RIMBP2: variants seen among roughly 807,000 people sequenced by gnomAD.
RIMBP2 encodes the protein RIMS binding protein 2.
A neutral mutation model predicts 118.6 loss-of-function variants in RIMBP2; 48 were observed. The ratio of observed to expected loss-of-function variants is 0.40; its 90% CI spans 0.32 to 0.51. The LOEUF (loss-of-function observed/expected upper bound fraction) is 0.51, where lower values mean the gene tolerates loss of function less well. Among genes scored for constraint, RIMBP2 ranks in the 20% least tolerant of loss-of-function variants. The pLI is 0.41. For missense variants in RIMBP2, 1,551 were observed against 1,768.3 expected (o/e 0.88, Z 2.20); for synonymous variants, 762 against 742.9 (o/e 1.03, Z -0.42).
At chr12:130,516,057 A>G (rs2051419815) in intron 3 of RIMBP2, among the ~76,000 whole-genome samples, 1 of 152,124 alleles carries the variant, frequency 6.6e-6, no homozygotes, top group Non-Finnish European at 1.5e-5. Flanking sequence ...TTTATTTTTA[A>G]TTTTTTGAGC....
At chr12:130,704,180 G>A (rs553560840) in intron 1 of RIMBP2, among the ~76,000 whole-genome samples, 1 of 152,246 alleles carries the variant, frequency 6.6e-6, no homozygotes, top group South Asian at 2.1e-4. Flanking sequence ...GGAGGGACGA[G>A]GACCGAGGAG....
chr12:130,486,711 G>GAA (rs10689343), intron 4 of RIMBP2, among the ~76,000 whole-genome samples: 17,309 of 144,096 alleles, frequency 0.12, 1,952 homozygotes, highest in African/African-American at 0.27. Context: ...AGATCTTTGA[G>GAA]AAAAAAAAAA....
chr12:130,641,493 G>A (rs1035642256), intron 1 of RIMBP2, among the ~76,000 whole-genome samples: 5 of 150,770 alleles, frequency 3.3e-5, no homozygotes, highest in African/African-American at 7.4e-5. Context: ...GGTGACTGCC[G>A]GACACTCGGC....
intron 5 of RIMBP2, among the ~76,000 whole-genome samples, chr12:130,473,486 C>T (rs929823406): frequency 3.9e-5 from 6 of 152,228 alleles, no homozygotes; most frequent in Non-Finnish European, 8.8e-5. Context: ...GGCCGAAGTG[C>T]TGGGCATCTA....
intron 15 of RIMBP2, chr12:130,427,733 A>C (rs1217398241): frequency 2.0e-5 from 3 of 153,234 alleles, no homozygotes; most frequent in Non-Finnish European, 4.4e-5. Context: ...ACCCCTGCCC[A>C]CCACCAGGCA....
chr12:130,502,045 T>C (rs899419814), intron 4 of RIMBP2, among the ~76,000 whole-genome samples: 14 of 152,318 alleles, frequency 9.2e-5, no homozygotes, highest in Admixed American at 3.3e-4. Flanking sequence ...CTTCCATGCC[T>C]CTGCCTCATT....
Position 130,578,355 on chromosome 12 carries a change from C to A in RIMBP2, c.-217+49967G>T, listed in dbSNP as rs8181764. On this transcript the variant is annotated intron_variant, in intron 2 of 22. Coordinates refer to ENST00000690449, the MANE Select transcript of RIMBP2 (RefSeq NM_001393629.1). The surrounding 1 kb of genome is among the most constrained non-coding windows in gnomAD (Gnocchi z 4.1). The stretch of plus-strand genomic sequence containing the variant: ...TCATTCTGGATGGCTGCTGCTCTGC[C>A]CTAGAATCCAACATGGCTCCCAGCT... Among the ~76,000 whole-genome samples, 57,469 of 151,974 alleles carry A rather than the reference C, an allele frequency of 0.38. 11,183 individuals are homozygous for A. The highest frequency in any genetic ancestry group is 0.51 in the East Asian group (2,627 of 5,172).
At chr12:130,579,627 C>A (rs1005022337) in intron 2 of RIMBP2, among the ~76,000 whole-genome samples, 6 of 152,054 alleles carry the variant, frequency 3.9e-5, no homozygotes, top group Non-Finnish European at 8.8e-5. Context: ...AATCAGCAAA[C>A]CTGGAGGTGG....
At chr12:130,638,546 T>C (rs2062454217) in intron 1 of RIMBP2, among the ~76,000 whole-genome samples, 1 of 152,098 alleles carries the variant, frequency 6.6e-6, no homozygotes, top group Admixed American at 6.5e-5. Flanking sequence ...GGCATTAGGT[T>C]CTCATAGGAA....
At chr12:130,640,169 T>G (rs1168640042) in intron 1 of RIMBP2, among the ~76,000 whole-genome samples, 11 of 152,262 alleles carry the variant, frequency 7.2e-5, no homozygotes, top group African/African-American at 2.6e-4. Flanking sequence ...ACACACCGCC[T>G]AGAACCAACC....
At position 130,428,274 on chromosome 12, in the gene RIMBP2, TG is replaced by T; in HGVS notation, c.2316del (p.Asp772GlufsTer66). The part of the protein sequence containing the change: ...TESSRGSDLS[D>X]IMEEDEEELY... ...AGCTCCTCCTCGTCCTCCTCCATGA[TG>T]TCTGAGAGGTCAGACCCCCGGCTGC... is the stretch of plus-strand genomic sequence containing the variant. On this transcript the variant is annotated frameshift_variant, in exon 15 of 23. Transcript: ENST00000690449. LOFTEE classifies it high-confidence loss of function. 2 of 1,613,578 alleles carry T rather than the reference TG, an allele frequency of 1.2e-6. No homozygotes were observed. The highest frequency in any genetic ancestry group is 1.7e-6 in the Non-Finnish European group (2 of 1,179,744).
chr12:130,414,351 C>T, intron 17 of RIMBP2, 45 bp from the exon 18 acceptor site: 3 of 1,520,562 alleles, frequency 2.0e-6, no homozygotes, highest in Non-Finnish European at 8.8e-7. Flanking sequence ...GTGAGCCTAA[C>T]TGAGGAGCGT....
intron 2 of RIMBP2, among the ~76,000 whole-genome samples, chr12:130,569,325 G>A (rs532943928): frequency 6.6e-6 from 1 of 152,320 alleles, no homozygotes; most frequent in South Asian, 2.1e-4. Flanking sequence ...AGCTTAAAGA[G>A]CAAAGCGTCC....
intron 1 of RIMBP2, among the ~76,000 whole-genome samples, chr12:130,663,973 G>A (rs2063762542): frequency 6.6e-6 from 1 of 151,676 alleles, no homozygotes; most frequent in African/African-American, 2.4e-5. Context: ...GACCTGAGGA[G>A]GGGAGATCTC....
rs34473551 is a variant in RIMBP2 at position 130,676,319 on chromosome 12, T to TA, written c.-352+39902dup. Among the ~76,000 whole-genome samples the TA allele has an allele frequency of 1.4e-3, 189 of 133,282 alleles. 2 individuals carry two copies. Among genetic ancestry groups the TA allele is most frequent in the African/African-American group, 4.8e-3 (168 of 35,358 alleles). 87.4% of individuals were successfully genotyped at this position (133,282 alleles called of 152,430 possible). A position where few individuals can be genotyped will look rare whatever the true frequency, so the allele number is the denominator to read the frequency against. ...AAATGTCCCTCAGTGGAGGATGGAT[T>TA]AAAAAAAAAAAAAAAAAAACGGGGG... On this transcript the variant is annotated intron_variant, in intron 1 of 22. Coordinates refer to ENST00000690449, the MANE Select transcript of RIMBP2 (RefSeq NM_001393629.1).
chr12:130,656,800 T>G (rs1327256315), intron 1 of RIMBP2, among the ~76,000 whole-genome samples: 1 of 151,882 alleles, frequency 6.6e-6, no homozygotes, highest in East Asian at 1.9e-4. Flanking sequence ...TCCCAGCTAC[T>G]TGGGAGGCTG....
intron 4 of RIMBP2, among the ~76,000 whole-genome samples, chr12:130,498,609 C>T (rs1360321113): frequency 9.7e-6 from 1 of 102,938 alleles, no homozygotes; most frequent in African/African-American, 3.6e-5. Flanking sequence ...ATCAGAAATA[C>T]AAAGTGCTGA....
At chr12:130,443,085 T>C (rs1456997289) in intron 10 of RIMBP2, among the ~76,000 whole-genome samples, 1 of 152,102 alleles carries the variant, frequency 6.6e-6, no homozygotes, top group Non-Finnish European at 1.5e-5. Flanking sequence ...CTTTTGGAGA[T>C]TAAGAAAATA....
At chr12:130,472,613 G>C (rs2081101466) in intron 5 of RIMBP2, among the ~76,000 whole-genome samples, 1 of 152,224 alleles carries the variant, frequency 6.6e-6, no homozygotes. Context: ...AGAATAATTA[G>C]TGATGGACGA....
Sources: gnomAD v4.1 joint callset for allele counts (sites outside exome capture counted in the v4.1 genomes callset) on GRCh38, gnomAD v4.1.1 for gene constraint, Gnocchi (gnomAD v3.1) non-coding constraint, MANE v1.5 for transcripts, NCBI Gene and HGNC (gene_info 2026-07-23, HGNC 2026-07-21) for gene names.